EGFL7: variants seen among roughly 807,000 people sequenced by gnomAD.
EGFL7 encodes epidermal growth factor-like protein 7.
EGFL7 carries 48 observed loss-of-function variants against 37.1 expected under a neutral mutation model. The ratio of observed to expected loss-of-function variants is 1.29; its 90% CI spans 1.03 to 1.65. The LOEUF is 1.65. EGFL7 is among the 40% of genes most tolerant of loss of function. The probability of loss-of-function intolerance (pLI) is 0.00; values close to 1 mark genes in which losing one functional copy is unlikely to be tolerated. For synonymous variants in EGFL7, 180 were observed against 156.8 expected (o/e 1.15, Z -1.10); for missense variants, 384 against 378.9 (o/e 1.01, Z -0.11).
chr9:136,670,387 G>T, intron 8 of EGFL7, 57 bp downstream of exon 8: 1 of 1,490,470 alleles, frequency 6.7e-7, no homozygotes, highest in Non-Finnish European at 9.0e-7. Flanking sequence ...GGACATTGCC[G>T]TGTGGCTGTT....
In EGFL7 at chr9:136,668,308, T is replaced by A; in HGVS notation, c.26T>A (p.Leu9Gln). ...ATGAGGGGCTCTCAGGAGGTGCTGC[T>A]GATGTGGCTTCTGGTGTTGGCAGTG... MRGSQEVL[L>Q]MWLLVLAVGG... Residue 9 changes from leucine to glutamine, a missense_variant, in exon 4 of 11, where the codon CTG (leucine) becomes CAG (glutamine). Physicochemically the swap from Leu to Gln is moderately radical, Grantham distance 113. Coordinates refer to ENST00000308874, the MANE Select transcript of EGFL7 (RefSeq NM_016215.5). 1.9e-6 allele frequency: 3 copies of A among 1,608,542 alleles called. No individual in the cohort carries two copies. The highest frequency in any genetic ancestry group is 2.5e-6 in the Non-Finnish European group (3 of 1,178,050).
rs989846266 is a variant in EGFL7, at chr9:136,665,869, G to C, written c.-43+1084G>C. 7.0e-3 allele frequency: 1,021 copies of C among 146,094 alleles called. 11 individuals carry two copies. Among genetic ancestry groups the C allele is most frequent in the African/African-American group, 0.024 (980 of 40,834 alleles). 9.0% of individuals were successfully genotyped at this position (146,094 alleles called of 1,614,324 possible). ...CGGGGTCGGGGTCCGGTCGCCGCCC[G>C]GGCTGGGTCGAGGGCGGGACCCGCG... On this transcript the variant is annotated intron_variant, in intron 3 of 10. Transcript: ENST00000308874.
chr9:136,671,580 T>C (rs1845904375), intron 9 of EGFL7, among the ~76,000 whole-genome samples: 1 of 146,322 alleles, frequency 6.8e-6, no homozygotes, highest in African/African-American at 2.6e-5. Flanking sequence ...CCCCAGACAA[T>C]ACACAGAGCC....
Position 136,670,257 on chromosome 9 carries a change from G to C in EGFL7, c.498G>C (p.Gly166=). Residue 166 remains glycine (G), a synonymous_variant, in exon 8 of 11, where the codon GGG becomes GGC. Transcript: ENST00000308874. ...GTTACTGGTGCCAGTGTTGGGAGGG[G>C]CACAGCCTGTCTGCAGACGGTACAC... ...AGSYWCQCWE[G]HSLSADGTLC... is the part of the protein sequence containing the mutation. 6.2e-7 allele frequency: 1 copy of C among 1,612,376 alleles called. No individual in the cohort carries two copies. Among genetic ancestry groups the C allele is most frequent in the African/African-American group, 1.3e-5 (1 of 75,062 alleles).
At position 136,664,539 on chromosome 9, in the gene EGFL7, C is replaced by T. The variant is rs180984542; in HGVS notation, c.-136-153C>T. Among the ~76,000 whole-genome samples the T allele has an allele frequency of 3.1e-3, 470 of 152,314 alleles. 3 individuals carry two copies. Among genetic ancestry groups the T allele is most frequent in the Admixed American group, 3.7e-3 (57 of 15,306 alleles). On this transcript the variant is annotated intron_variant, in intron 2 of 10. Coordinates refer to ENST00000308874, the MANE Select transcript of EGFL7 (RefSeq NM_016215.5). ...CAATCAGCTCAGGACAGGATGGGGT[C>T]GGGGTAGGTGCAGGACAGGGGCCTG...
In EGFL7 at chr9:136,666,867, G is replaced by C. The variant is rs1845511400; in HGVS notation, c.-42-1374G>C. ...CATCCCCAGAGTTAATCTCCAGCCA[G>C]CTCTGCCCCCTCGACAAACTCCTGC... On this transcript the variant is annotated intron_variant, in intron 3 of 10. Transcript: ENST00000308874. The surrounding 1 kb of genome is among the most constrained non-coding windows in gnomAD (Gnocchi z 6.8). Among the ~76,000 whole-genome samples the C allele has an allele frequency of 6.6e-6, 1 of 152,124 alleles. No individual in the cohort carries two copies. The highest frequency in any genetic ancestry group is 2.1e-4 in the South Asian group (1 of 4,822).
Position 136,666,489 on chromosome 9 carries a change from C to G in EGFL7, c.-43+1704C>G, listed in dbSNP as rs1368601236. On this transcript the variant is annotated intron_variant, in intron 3 of 10. Transcript: ENST00000308874. The surrounding 1 kb of genome is among the most constrained non-coding windows in gnomAD (Gnocchi z 6.8). ...GGCACCCCTGGGTCGAGGCCGTGGC[C>G]CCCCCCGGGGAAATGGGGCTTGCAG... Among the ~76,000 whole-genome samples the G allele has an allele frequency of 6.6e-6, 1 of 151,638 alleles. No homozygotes were observed. The highest frequency in any genetic ancestry group is 2.4e-5 in the African/African-American group (1 of 41,112).
Position 136,668,704 on chromosome 9 carries a change from GC to G in EGFL7, c.197+35del, listed in dbSNP as rs1433728799. 7 of 1,564,248 alleles carry G rather than the reference GC, an allele frequency of 4.5e-6. No homozygotes were observed. In the African/African-American group the frequency reaches 8.1e-5, roughly 18 times the overall value. On this transcript the variant is annotated intron_variant, in intron 5 of 10. Coordinates refer to ENST00000308874, the MANE Select transcript of EGFL7 (RefSeq NM_016215.5). ...TGCCCCACCACACCGAGCTCACCCA[GC>G]CCCAGCCTCCCAAGTCGGCCACACA... is the stretch of plus-strand genomic sequence containing the variant.
At chr9:136,670,395 G>C in intron 8 of EGFL7, 65 bp downstream of exon 8, 1 of 1,477,312 alleles carries the variant, frequency 6.8e-7, no homozygotes, top group Admixed American at 2.2e-5. Flanking sequence ...CCGTGTGGCT[G>C]TTAGGCATGG....
intron 8 of EGFL7, 174 bp from the exon 9 acceptor site, chr9:136,670,774 GAC>G: frequency 1.4e-6 from 1 of 736,182 alleles, no homozygotes; most frequent in South Asian, 1.5e-5. Context: ...CACCCGCCCC[GAC>G]GTACTTAGGC....
At chr9:136,670,477 A>G in intron 8 of EGFL7, 147 bp downstream of exon 8, 2 of 1,075,464 alleles carry the variant, frequency 1.9e-6, no homozygotes, top group Non-Finnish European at 1.4e-6. Context: ...GGGAGGGAGG[A>G]TAGGTGGGTT....
intron 10 of EGFL7, 78 bp downstream of exon 10, chr9:136,672,166 GTC>G: frequency 6.3e-7 from 1 of 1,594,554 alleles, no homozygotes; most frequent in South Asian, 1.1e-5. Context: ...AGGCTTGGGG[GTC>G]GGGGGCGACC....
intron 2 of EGFL7, among the ~76,000 whole-genome samples, chr9:136,664,260 G>A (rs997712759): frequency 6.6e-6 from 1 of 152,202 alleles, no homozygotes; most frequent in Non-Finnish European, 1.5e-5. Context: ...GGATTGCAGG[G>A]TGGGGCGGCC....
At chr9:136,670,047 C>T (rs1194774301) in intron 7 of EGFL7, 38 bp downstream of exon 7, 2 of 1,589,416 alleles carry the variant, frequency 1.3e-6, no homozygotes, top group Middle Eastern at 1.7e-4. Flanking sequence ...CTGGAAGGGT[C>T]CTGGGCACCT....
At chr9:136,664,977 ATCCCAGGGCTG>A in intron 3 of EGFL7, among the ~76,000 whole-genome samples, 192 bp downstream of exon 3, 1 of 152,216 alleles carries the variant, frequency 6.6e-6, no homozygotes, top group Non-Finnish European at 1.5e-5. Context: ...CCGTCACTAG[ATCCCAGGGCTG>A]TTTAGCCCCA....
chr9:136,661,840 C>T (rs1285792580), upstream of EGFL7, among the ~76,000 whole-genome samples: 1 of 152,186 alleles, frequency 6.6e-6, no homozygotes, highest in East Asian at 1.9e-4. Flanking sequence ...ACACTGACCG[C>T]CCAGGGCCAG....
intron 3 of EGFL7, among the ~76,000 whole-genome samples, chr9:136,667,663 C>T (rs1348991318): frequency 2.0e-5 from 3 of 152,324 alleles, no homozygotes; most frequent in South Asian, 2.1e-4. Context: ...AAATGAAGGC[C>T]GCCCCTCTGG....
At chr9:136,662,041 G>A (rs954548335), upstream of EGFL7, among the ~76,000 whole-genome samples, 4 of 146,594 alleles carry the variant, frequency 2.7e-5, no homozygotes, top group East Asian at 2.2e-4. Flanking sequence ...TGGCTCGCTC[G>A]GCCTGAGGCT....
upstream of EGFL7, among the ~76,000 whole-genome samples, chr9:136,661,086 G>A (rs999534138): frequency 2.0e-5 from 3 of 152,186 alleles, no homozygotes; most frequent in Admixed American, 6.5e-5. Flanking sequence ...GCCCCTATAC[G>A]GTGGAGTAGC....
Sources: allele counts gnomAD v4.1 joint callset (sites outside exome capture counted in the v4.1 genomes callset), GRCh38; gene constraint gnomAD v4.1.1; non-coding constraint Gnocchi (gnomAD v3.1); transcripts MANE v1.5; gene names NCBI Gene and HGNC (gene_info 2026-07-23, HGNC 2026-07-21).